The following TTF2 variants were observed in gnomAD, a reference collection of about 807,000 sequenced individuals.
TTF2 encodes the protein RNA polymerase II termination factor.
Under a neutral mutation model 142.4 loss-of-function variants are expected in TTF2, and 108 were observed. The ratio of observed to expected loss-of-function variants is 0.76; its 90% CI spans 0.65 to 0.89. The LOEUF (loss-of-function observed/expected upper bound fraction) is 0.89, where lower values mean the gene tolerates loss of function less well. Among genes scored for constraint, TTF2 ranks in the 40% least tolerant of loss-of-function variants. The pLI is 0.00. For missense variants in TTF2, 1,327 were observed against 1,379.8 expected, an observed-to-expected ratio of 0.96 and a Z score of 0.61; for synonymous variants, 483 against 506.2, an observed-to-expected ratio of 0.95 and a Z score of 0.61.
At chr1:117,096,482 A>T (rs1309418710) in intron 20 of TTF2, among the ~76,000 whole-genome samples, 183 bp downstream of exon 20, 2 of 152,184 alleles carry the variant, frequency 1.3e-5, no homozygotes, top group Non-Finnish European at 2.9e-5. Context: ...GGTTCAAGCG[A>T]TTCTCCTGCC....
At position 117,075,067 on chromosome 1, in the gene TTF2, G is replaced by A; in HGVS notation, c.483G>A (p.Gln161=). 6.2e-7 allele frequency: 1 copy of A among 1,614,012 alleles called. No individual in the cohort carries two copies. Among genetic ancestry groups the A allele is most frequent in the Non-Finnish European group, 8.5e-7 (1 of 1,179,986 alleles). The change falls in exon 5 of 23, where the codon CAG becomes CAA. Residue 161 remains glutamine, a synonymous_variant. Transcript: ENST00000369466. The surrounding 1 kb of genome is among the most constrained non-coding windows in gnomAD (Gnocchi z 4.5). ...ADKKQREKGD[Q]LFDQKKEQKP... ...AGAAGCAAAGAGAAAAGGGAGATCAGCTTTTCGATCAAAAGAAAGAACAGA... is the reference window on the plus strand; with the variant it reads ...AGAAGCAAAGAGAAAAGGGAGATCAACTTTTCGATCAAAAGAAAGAACAGA...
chr1:117,084,317 C>T (rs535788280), intron 11 of TTF2, 149 bp downstream of exon 11: 14 of 1,004,730 alleles, frequency 1.4e-5, no homozygotes, highest in Non-Finnish European at 1.9e-5. Flanking sequence ...ACCATACAGC[C>T]TTTGCGTTGT....
rs1317063999 is a variant in TTF2, at chr1:117,097,799, A to T, written c.3269+366A>T. ...AGACACACTTGTTGGGGTCCAAGGA[A>T]ATTTCAACCTTTGAAAAGAGGGAGA... On this transcript the variant is annotated intron_variant, in intron 21 of 22. Transcript: ENST00000369466. The surrounding 1 kb of genome is among the most constrained non-coding windows in gnomAD (Gnocchi z 4.1). Among the ~76,000 whole-genome samples, 1 of 152,198 alleles carries T rather than the reference A, an allele frequency of 6.6e-6. No homozygotes were observed. The highest frequency in any genetic ancestry group is 1.5e-5 in the Non-Finnish European group (1 of 68,038).
In TTF2 at chr1:117,095,420, T is replaced by G. The variant is rs547459900; in HGVS notation, c.3035+53T>G. 11 of 1,547,098 alleles carry G rather than the reference T, an allele frequency of 7.1e-6. No homozygotes were observed. In the Admixed American group the frequency reaches 1.5e-4, roughly 21 times the overall value. On this transcript the variant is annotated intron_variant, in intron 19 of 22. Transcript: ENST00000369466. ...ATTGGTCATAATTATGTGAGAAAAT[T>G]TGATATTGCCAAGAGTTATAAATCA...
chr1:117,089,348 G>A (rs1299082732), intron 13 of TTF2, among the ~76,000 whole-genome samples: 4 of 150,730 alleles, frequency 2.7e-5, no homozygotes, highest in Admixed American at 2.6e-4. Context: ...TCTAGGGCTA[G>A]CACTACAATT....
intron 13 of TTF2, among the ~76,000 whole-genome samples, chr1:117,089,262 A>ATATGC (rs1570859955): frequency 1.0e-4 from 5 of 48,950 alleles, no homozygotes; most frequent in Non-Finnish European, 2.8e-4. Flanking sequence ...AATATATGCT[A>ATATGC]TATATATATA....
Position 117,079,432 on chromosome 1 carries a change from A to C in TTF2, c.1702-136A>C. 1 of 779,234 alleles carries C rather than the reference A, an allele frequency of 1.3e-6. No homozygotes were observed. Among genetic ancestry groups the C allele is most frequent in the Non-Finnish European group, 2.1e-6 (1 of 470,898 alleles). 48.3% of individuals were successfully genotyped at this position (779,234 alleles called of 1,614,324 possible). ...AGAGAGGGTGCTGTTAAGGACTTCA[A>C]GGTGAAATGAACTGTCTACAGAATA... On this transcript the variant is annotated intron_variant, in intron 8 of 22. Transcript: ENST00000369466. This position sits in a 1 kb window ranked among gnomAD's most constrained non-coding sequence, Gnocchi z 4.2.
In TTF2 at chr1:117,101,000, C is replaced by T. The variant is rs1649542264; in HGVS notation, c.3345-380C>T. ...AAACCCTGTTTTTATTGTGAATTCA[C>T]TAAGAAATACTCTACTTAAACTAGC... On this transcript the variant is annotated intron_variant, in intron 22 of 22. Coordinates refer to ENST00000369466, the MANE Select transcript of TTF2 (RefSeq NM_003594.4). The surrounding 1 kb of genome is among the most constrained non-coding windows in gnomAD (Gnocchi z 4.6). 6.6e-6 allele frequency among the ~76,000 whole-genome samples: 1 copy of T among 152,134 alleles called. No individual in the cohort carries two copies. Among genetic ancestry groups the T allele is most frequent in the South Asian group, 2.1e-4 (1 of 4,826 alleles).
In TTF2 at chr1:117,086,616, C is replaced by T. The variant is rs1479378444; in HGVS notation, c.2160+94C>T. On this transcript the variant is annotated intron_variant, in intron 12 of 22. Coordinates refer to ENST00000369466, the MANE Select transcript of TTF2 (RefSeq NM_003594.4). The surrounding 1 kb of genome is among the most constrained non-coding windows in gnomAD (Gnocchi z 4.2). ...CCTCCACGATAGCAAGAGGACCTCCCTGGAGGTCAGGAATGCTGTAAATGA... is the reference window on the plus strand; with the variant it reads ...CCTCCACGATAGCAAGAGGACCTCCTTGGAGGTCAGGAATGCTGTAAATGA... 8.3e-6 allele frequency: 7 copies of T among 841,884 alleles called. No individual in the cohort carries two copies. Among genetic ancestry groups the T allele is most frequent in the South Asian group, 7.4e-5 (5 of 67,656 alleles). The allele number at this position is 841,884 out of a possible 1,614,324, so 52.2% of individuals were successfully genotyped here. A position where few individuals can be genotyped will look rare whatever the true frequency, so the allele number is the denominator to read the frequency against.
chr1:117,101,409 A>C lies in TTF2; in HGVS notation c.3374A>C (p.Lys1125Thr), dbSNP rs758385442. ...RFVCEGTVEEKILQLQEKKKD... is the reference protein window; with the variant it reads ...RFVCEGTVEETILQLQEKKKD... ...GTTTGTGAGGGAACAGTAGAAGAAA[A>C]GATCTTACAGCTCCAAGAAAAAAAG... Residue 1125 changes from lysine to threonine, a missense_variant, in exon 23 of 23, where the codon AAG becomes ACG. By Grantham distance (78) the Lys-to-Thr change is moderately conservative (BLOSUM62 -1). Coordinates refer to ENST00000369466, the MANE Select transcript of TTF2 (RefSeq NM_003594.4). This position sits in a 1 kb window ranked among gnomAD's most constrained non-coding sequence, Gnocchi z 5.9. 1.2e-6 allele frequency: 2 copies of C among 1,600,772 alleles called. No homozygotes were observed. The highest frequency in any genetic ancestry group is 1.1e-5 in the South Asian group (1 of 87,952).
chr1:117,094,236 A>G (rs1648886298), intron 18 of TTF2, among the ~76,000 whole-genome samples: 1 of 152,184 alleles, frequency 6.6e-6, no homozygotes, highest in Non-Finnish European at 1.5e-5. Flanking sequence ...ATCTGGCCTA[A>G]GTCCTTCTTT....
intron 20 of TTF2, 130 bp downstream of exon 20, chr1:117,096,429 C>G: frequency 8.4e-7 from 1 of 1,184,464 alleles, no homozygotes; most frequent in African/African-American, 1.5e-5. Context: ...CCAGGCTGGA[C>G]TGCAATAGTG....
chr1:117,090,698 CA>C lies in TTF2; in HGVS notation c.2588+78del. 1 of 1,210,102 alleles carries C rather than the reference CA, an allele frequency of 8.3e-7. No individual in the cohort carries two copies. The highest frequency in any genetic ancestry group is 1.2e-6 in the Non-Finnish European group (1 of 839,428). The allele number at this position is 1,210,102 out of a possible 1,614,324, so 75.0% of individuals were successfully genotyped here. A position where few individuals can be genotyped will look rare whatever the true frequency, so the allele number is the denominator to read the frequency against. ...CTTTTCTTGGGAGTGAGTTGAAGGT[CA>C]AATTTCCACAAACTTTATGGCATTA... On this transcript the variant is annotated intron_variant, in intron 15 of 22. Transcript: ENST00000369466. This position sits in a 1 kb window ranked among gnomAD's most constrained non-coding sequence, Gnocchi z 4.8.
At position 117,085,993 on chromosome 1, in the gene TTF2, A is replaced by C. The variant is rs751834931; in HGVS notation, c.2055-424A>C. ...TTTGAAGTTATCTTTCTCCCCTGGG[A>C]CTTTGGTGTCATCCATCTCAAATCA... On this transcript the variant is annotated intron_variant, in intron 11 of 22. Transcript: ENST00000369466. This position sits in a 1 kb window ranked among gnomAD's most constrained non-coding sequence, Gnocchi z 4.7. 2.0e-5 allele frequency among the ~76,000 whole-genome samples: 3 copies of C among 152,240 alleles called. No individual in the cohort carries two copies. The highest frequency in any genetic ancestry group is 3.4e-3 in the Middle Eastern group (1 of 294).
In TTF2 at chr1:117,097,921, A is replaced by G. The variant is rs1649298793; in HGVS notation, c.3269+488A>G. Among the ~76,000 whole-genome samples the G allele has an allele frequency of 6.6e-6, 1 of 152,236 alleles. No individual in the cohort carries two copies. Among genetic ancestry groups the G allele is most frequent in the Admixed American group, 6.5e-5 (1 of 15,282 alleles). ...TGGATTCATTGTATGTAGTGTTAAT[A>G]CCAGGAGTACAACCACATCTTTCGT... is the stretch of plus-strand genomic sequence containing the variant. On this transcript the variant is annotated intron_variant, in intron 21 of 22. Transcript: ENST00000369466. The surrounding 1 kb of genome is among the most constrained non-coding windows in gnomAD (Gnocchi z 4.1).
At position 117,093,945 on chromosome 1, in the gene TTF2, G is replaced by A; in HGVS notation, c.2976+1044G>A. 6.6e-6 allele frequency among the ~76,000 whole-genome samples: 1 copy of A among 152,198 alleles called. No homozygotes were observed. The highest frequency in any genetic ancestry group is 1.9e-4 in the East Asian group (1 of 5,200). On this transcript the variant is annotated intron_variant, in intron 18 of 22. Coordinates refer to ENST00000369466, the MANE Select transcript of TTF2 (RefSeq NM_003594.4). The surrounding 1 kb of genome is among the most constrained non-coding windows in gnomAD (Gnocchi z 4.5). ...GGGCCATAAATCCAGCCCTCCTGCT[G>A]CAGTTTTCTCAAAACACCATGGCTA... is the stretch of plus-strand genomic sequence containing the variant.
At position 117,075,140 on chromosome 1, in the gene TTF2, A is replaced by C. The variant is rs1481632689; in HGVS notation, c.556A>C (p.Lys186Gln). The change falls in exon 5 of 23, where the codon AAA (lysine) becomes CAA (glutamine). Residue 186 changes from lysine to glutamine, a missense_variant. Coordinates refer to ENST00000369466, the MANE Select transcript of TTF2 (RefSeq NM_003594.4). This position sits in a 1 kb window ranked among gnomAD's most constrained non-coding sequence, Gnocchi z 4.5. ...KDLSSGLVPK[K>Q]KQSVVQEKKQ... is the part of the protein sequence containing the mutation. ...CCTCTCATCTGGCCTGGTACCAAAG[A>C]AAAAACAATCTGTAGTTCAAGAGAA... The C allele has an allele frequency of 6.2e-7, 1 of 1,614,114 alleles. No homozygotes were observed. Among genetic ancestry groups the C allele is most frequent in the East Asian group, 2.2e-5 (1 of 44,868 alleles).
chr1:117,082,142 T>A (rs1647574137), intron 10 of TTF2, 195 bp downstream of exon 10: 3 of 796,422 alleles, frequency 3.8e-6, no homozygotes, highest in Non-Finnish European at 5.9e-6. Flanking sequence ...TTTTTCCGTA[T>A]AAATTTGCCT....
chr1:117,067,200 A>G (rs1655182256), intron 3 of TTF2, among the ~76,000 whole-genome samples: 1 of 152,188 alleles, frequency 6.6e-6, no homozygotes, highest in South Asian at 2.1e-4. Flanking sequence ...CTAAATTCAG[A>G]GCACTATTAC....
Sources: allele counts gnomAD v4.1 joint callset (sites outside exome capture counted in the v4.1 genomes callset), GRCh38; gene constraint gnomAD v4.1.1; non-coding constraint Gnocchi (gnomAD v3.1); transcripts MANE v1.5; gene names NCBI Gene and HGNC (gene_info 2026-07-23, HGNC 2026-07-21).